PITPNM1: variants seen among roughly 807,000 people sequenced by gnomAD.
PITPNM1 encodes phosphatidylinositol transfer protein membrane associated 1, also known as membrane-associated phosphatidylinositol transfer protein 1.
Under a neutral mutation model 133.3 loss-of-function variants are expected in PITPNM1, and 74 were observed. The ratio of observed to expected loss-of-function variants is 0.56; its 90% confidence interval spans 0.46 to 0.67. The LOEUF (loss-of-function observed/expected upper bound fraction) is 0.67, where lower values mean the gene tolerates loss of function less well. Among genes scored for constraint, PITPNM1 ranks in the 30% least tolerant of loss-of-function variants. The pLI, the probability that PITPNM1 is intolerant of heterozygous loss-of-function variation, is 0.00. For synonymous variants in PITPNM1, 738 were observed against 741.4 expected (o/e 1.00, Z 0.08); for missense variants, 1,398 against 1,739.5 (o/e 0.80, Z 3.49).
In PITPNM1 at chr11:67,492,080, G is replaced by C. The variant is rs369506944; in HGVS notation, c.3688C>G (p.Arg1230Gly). ...GPGTPPTTLA[R>G]GKARSISLKL... is the part of the protein sequence containing the mutation. ...AGGCTGATGCTCCGTGCTTTGCCCC[G>C]TGCCAGGGTGGTGGGTGGTGTTCCC... Residue 1230 changes from arginine to glycine, a missense_variant, in exon 24 of 24, where the codon CGG (arginine) becomes GGG (glycine). This residue lies in a region of PITPNM1 where 122 missense variants were observed against 123.3 expected (regional missense o/e 0.99). Transcript: ENST00000356404. 1 of 1,612,554 alleles carries C rather than the reference G, an allele frequency of 6.2e-7. No homozygotes were observed. The highest frequency in any genetic ancestry group is 1.3e-5 in the African/African-American group (1 of 75,074).
Position 67,496,293 on chromosome 11 carries a change from G to T in PITPNM1, c.2202C>A (p.Asp734Glu), listed in dbSNP as rs371600914. The T allele has an allele frequency of 3.2e-5, 51 of 1,583,294 alleles. No homozygotes were observed. Among genetic ancestry groups the T allele is most frequent in the Non-Finnish European group, 3.9e-5 (46 of 1,168,720 alleles). Residue 734 changes from aspartate (D) to glutamate (E), a missense_variant, in exon 15 of 24, where the codon GAC (aspartate) becomes GAA (glutamate). By Grantham distance (45) the Asp-to-Glu change is conservative (BLOSUM62 2). Around this residue, in one of 5 missense-constraint regions of PITPNM1, gnomAD observed 574 missense variants for 698.7 expected, o/e 0.82. Transcript: ENST00000356404. ...EQIYNLFHAA[D>E]PCASRLEPLL... Reference sequence around the variant, plus strand: ...GGGGCTCGAGGCGTGAGGCGCAGGGGTCAGCCGCGTGGAAGAGGTTGTAGA... The same window carrying T: ...GGGGCTCGAGGCGTGAGGCGCAGGGTTCAGCCGCGTGGAAGAGGTTGTAGA...
chr11:67,499,098 C>T lies in PITPNM1; in HGVS notation c.1172-97G>A, dbSNP rs138190231. The stretch of plus-strand genomic sequence containing the variant: ...CCCCAGTTCTGGCATCTGCCTGAGG[C>T]CCCCAGTCCCTACCTTCCTCCAAAC... On this transcript the variant is annotated intron_variant, in intron 8 of 23. Transcript: ENST00000356404. 4.2e-6 allele frequency: 5 copies of T among 1,186,652 alleles called. 1 individual carries two copies. The highest frequency in any genetic ancestry group is 3.1e-5 in the African/African-American group (2 of 65,532). 73.5% of individuals were successfully genotyped at this position (1,186,652 alleles called of 1,614,324 possible).
At chr11:67,494,822 G>GT (rs59817710) in intron 18 of PITPNM1, 24 bp downstream of exon 18, 1 of 1,559,824 alleles carries the variant, frequency 6.4e-7, no homozygotes, top group Non-Finnish European at 8.8e-7. Context: ...GAGTGGGCGA[G>GT]GGGGCGAGGG....
Position 67,502,449 on chromosome 11 carries a change from C to A in PITPNM1, c.294-36G>T, listed in dbSNP as rs1227820041. 5.6e-6 allele frequency: 9 copies of A among 1,613,438 alleles called. No individual in the cohort carries two copies. Among genetic ancestry groups the A allele is most frequent in the Non-Finnish European group, 7.6e-6 (9 of 1,179,838 alleles). ...GGCACGGGTGAGGCTCACTGCTGTA[C>A]CCACCAGGGCCGCTCCCCTCCTGGC... is the stretch of plus-strand genomic sequence containing the variant. On this transcript the variant is annotated intron_variant, in intron 3 of 23. Coordinates refer to ENST00000356404, the MANE Select transcript of PITPNM1 (RefSeq NM_004910.3). The surrounding 1 kb of genome is among the most constrained non-coding windows in gnomAD (Gnocchi z 5.9).
At chr11:67,500,867 A>G (rs565176366) in intron 5 of PITPNM1, among the ~76,000 whole-genome samples, 1 of 152,378 alleles carries the variant, frequency 6.6e-6, no homozygotes, top group East Asian at 1.9e-4. Context: ...ATTCTGGGAT[A>G]TTTTTATCTT....
rs1866412633 is a variant in PITPNM1 at position 67,504,011 on chromosome 11, G to T, written c.78+92C>A. 2 of 956,254 alleles carry T rather than the reference G, an allele frequency of 2.1e-6. No individual in the cohort carries two copies. Among genetic ancestry groups the T allele is most frequent in the Non-Finnish European group, 3.1e-6 (2 of 649,520 alleles). The allele number at this position is 956,254 out of a possible 1,614,324, so 59.2% of individuals were successfully genotyped here. On this transcript the variant is annotated intron_variant, in intron 2 of 23. Coordinates refer to ENST00000356404, the MANE Select transcript of PITPNM1 (RefSeq NM_004910.3). This position sits in a 1 kb window ranked among gnomAD's most constrained non-coding sequence, Gnocchi z 5.4. ...AAGGGGGGCCTCTCTTGCCTCCTCCGGGCTCCCAGCCGGTCCCAGCCCCGG... is the reference window on the plus strand; with the variant it reads ...AAGGGGGGCCTCTCTTGCCTCCTCCTGGCTCCCAGCCGGTCCCAGCCCCGG...
Position 67,504,241 on chromosome 11 carries a change from G to C in PITPNM1, c.-41-20C>G, listed in dbSNP as rs1398811362. 7.7e-7 allele frequency: 1 copy of C among 1,294,790 alleles called. No individual in the cohort carries two copies. The highest frequency in any genetic ancestry group is 1.5e-5 in the African/African-American group (1 of 66,816). 80.2% of individuals were successfully genotyped at this position (1,294,790 alleles called of 1,614,324 possible). A position where few individuals can be genotyped will look rare whatever the true frequency, so the allele number is the denominator to read the frequency against. ...CTCCTCCTGGCGCAGGGCACGGCGCGACAGTCAGTGCGGGGAGGCTGCGCG... is the reference window on the plus strand; with the variant it reads ...CTCCTCCTGGCGCAGGGCACGGCGCCACAGTCAGTGCGGGGAGGCTGCGCG... On this transcript the variant is annotated intron_variant, in intron 1 of 23. Coordinates refer to ENST00000356404, the MANE Select transcript of PITPNM1 (RefSeq NM_004910.3). The surrounding 1 kb of genome is among the most constrained non-coding windows in gnomAD (Gnocchi z 5.4).
intron 15 of PITPNM1, 120 bp from the exon 16 acceptor site, chr11:67,495,722 G>A: frequency 1.0e-6 from 1 of 976,648 alleles, no homozygotes; most frequent in South Asian, 1.9e-5. Context: ...CCTGGCTGAG[G>A]CTGCACTGTG....
At position 67,502,573 on chromosome 11, in the gene PITPNM1, G is replaced by A; in HGVS notation, c.224C>T (p.Ala75Val). ...CTGCAGGGCAGCCTTGGGCAGCAGT[G>A]CCCGGAACCAGCCTGGGATGTGGGA... is the stretch of plus-strand genomic sequence containing the variant. ...VGSHIPGWFRALLPKAALQVE... is the reference protein window; with the variant it reads ...VGSHIPGWFRVLLPKAALQVE... Residue 75 changes from alanine (A) to valine (V), a missense_variant, in exon 3 of 24, where the codon GCA becomes GTA. Ala to Val is a moderately conservative substitution (Grantham distance 64). Coordinates refer to ENST00000356404, the MANE Select transcript of PITPNM1 (RefSeq NM_004910.3). This position sits in a 1 kb window ranked among gnomAD's most constrained non-coding sequence, Gnocchi z 5.9. The A allele has an allele frequency of 6.2e-7, 1 of 1,613,640 alleles. No homozygotes were observed. The highest frequency in any genetic ancestry group is 1.3e-5 in the African/African-American group (1 of 75,044).
chr11:67,501,845 C>A lies in PITPNM1; in HGVS notation c.640+17G>T. 1 of 1,610,040 alleles carries A rather than the reference C, an allele frequency of 6.2e-7. No homozygotes were observed. The highest frequency in any genetic ancestry group is 8.5e-7 in the Non-Finnish European group (1 of 1,177,248). On this transcript the variant is annotated intron_variant, in intron 5 of 23. Coordinates refer to ENST00000356404, the MANE Select transcript of PITPNM1 (RefSeq NM_004910.3). ...GGCATGCTGGGTAAGTGGGACCTCC[C>A]GCAGCTGGGTGCTCACCTACATCAT...
rs1866382018 is a variant in PITPNM1, at chr11:67,502,885, A to G, written c.79-167T>C. Among the ~76,000 whole-genome samples, 1 of 152,182 alleles carries G rather than the reference A, an allele frequency of 6.6e-6. No homozygotes were observed. The highest frequency in any genetic ancestry group is 1.5e-5 in the Non-Finnish European group (1 of 68,016). ...AAGCTCCCTGGGATCAGAATCACAGATGCAGCCCAGCCCCGCATGGGGTCT... is the reference window on the plus strand; with the variant it reads ...AAGCTCCCTGGGATCAGAATCACAGGTGCAGCCCAGCCCCGCATGGGGTCT... On this transcript the variant is annotated intron_variant, in intron 2 of 23. Coordinates refer to ENST00000356404, the MANE Select transcript of PITPNM1 (RefSeq NM_004910.3). The surrounding 1 kb of genome is among the most constrained non-coding windows in gnomAD (Gnocchi z 5.9).
rs765131990 is a variant in PITPNM1 at position 67,497,441 on chromosome 11, G to T, written c.1941-5C>A. ...GTTGCGGGGGCTGCCTGAAGGCTGT[G>T]GGGGAGGAGGGGTGCTCAGTGCTGC... On this transcript the variant is annotated splice_region_variant and splice_polypyrimidine_tract_variant and intron_variant, in intron 13 of 23. Transcript: ENST00000356404. 3.8e-6 allele frequency: 6 copies of T among 1,590,240 alleles called. No homozygotes were observed. The highest frequency in any genetic ancestry group is 4.5e-5 in the East Asian group (2 of 44,450).
chr11:67,495,289 G>T, intron 16 of PITPNM1, 64 bp from the exon 17 acceptor site: 1 of 1,508,116 alleles, frequency 6.6e-7, no homozygotes, highest in Non-Finnish European at 8.9e-7. Context: ...CTGGGCGCTG[G>T]GTGCTCTTCC....
rs374920376 is a variant in PITPNM1, at chr11:67,494,928, G to C, written c.2660C>G (p.Ala887Gly). Residue 887 changes from alanine to glycine, a missense_variant, in exon 18 of 24, where the codon GCG (alanine) becomes GGG (glycine). By Grantham distance (60) the Ala-to-Gly change is moderately conservative (BLOSUM62 0). Coordinates refer to ENST00000356404, the MANE Select transcript of PITPNM1 (RefSeq NM_004910.3). ...GTAGATGGACGGCTCCTCGCATTCC[G>C]CCAGCTGTGGCCGCTCCTTCTCGAT... ...QVIEKERPQL[A>G]ECEEPSIYSP... is the part of the protein sequence containing the mutation. The C allele has an allele frequency of 9.3e-6, 15 of 1,612,742 alleles. No homozygotes were observed. The highest frequency in any genetic ancestry group is 1.3e-5 in the Non-Finnish European group (15 of 1,179,778).
chr11:67,493,342 TC>T, intron 22 of PITPNM1, 67 bp downstream of exon 22: 1 of 1,419,682 alleles, frequency 7.0e-7, no homozygotes, highest in Non-Finnish European at 9.5e-7. Context: ...CCTCCGCCGA[TC>T]CGGGGGTGGA....
rs1353308570 is a variant in PITPNM1, at chr11:67,492,917, C to T, written c.3471+17G>A. The T allele has an allele frequency of 5.6e-6, 9 of 1,609,570 alleles. No individual in the cohort carries two copies. Among genetic ancestry groups the T allele is most frequent in the Non-Finnish European group, 5.9e-6 (7 of 1,177,620 alleles). On this transcript the variant is annotated intron_variant, in intron 23 of 23. Transcript: ENST00000356404. Reference sequence around the variant, plus strand: ...CCCCTGGTGGGGTCCTGTTCCTGGCCTTCACTTGGGCCTCACCTGGCACTG... The same window carrying T: ...CCCCTGGTGGGGTCCTGTTCCTGGCTTTCACTTGGGCCTCACCTGGCACTG...
rs970655716 is a variant in PITPNM1, at chr11:67,497,588, G to A, written c.1874C>T (p.Ser625Leu). 2.5e-6 allele frequency: 4 copies of A among 1,607,956 alleles called. No individual in the cohort carries two copies. Among genetic ancestry groups the A allele is most frequent in the Non-Finnish European group, 3.4e-6 (4 of 1,178,492 alleles). ...GGGGATGCGCTGGGGAGGCAAGGCC[G>A]AGGGTTCTGGGCTGCCCCGACCCAG... is the stretch of plus-strand genomic sequence containing the variant. ...EGLGRGSPEP[S>L]ALPPQRIPSD... The change falls in exon 13 of 24, where the codon TCG becomes TTG. Residue 625 changes from serine to leucine, a missense_variant. Around this residue, in one of 5 missense-constraint regions of PITPNM1, gnomAD observed 574 missense variants for 698.7 expected, o/e 0.82. Transcript: ENST00000356404.
At position 67,494,969 on chromosome 11, in the gene PITPNM1, G is replaced by A; in HGVS notation, c.2632-13C>T. On this transcript the variant is annotated splice_polypyrimidine_tract_variant and intron_variant, in intron 17 of 23. Transcript: ENST00000356404. ...CCTTCTCGATCACCTGCACGGGACAGGGGGCGAGGCCTCTGTCTCTTAGGG... is the reference window on the plus strand; with the variant it reads ...CCTTCTCGATCACCTGCACGGGACAAGGGGCGAGGCCTCTGTCTCTTAGGG... 3 of 1,611,116 alleles carry A rather than the reference G, an allele frequency of 1.9e-6. No individual in the cohort carries two copies. The highest frequency in any genetic ancestry group is 2.5e-6 in the Non-Finnish European group (3 of 1,178,860).
At chr11:67,497,174 T>C (rs1287911835) in intron 14 of PITPNM1, 57 bp downstream of exon 14, 3 of 1,390,770 alleles carry the variant, frequency 2.2e-6, no homozygotes, top group Non-Finnish European at 1.9e-6. Flanking sequence ...CCAGAGGAGG[T>C]GGGGAAGGAA....
Sources: allele counts gnomAD v4.1 joint callset (sites outside exome capture counted in the v4.1 genomes callset), GRCh38; gene constraint gnomAD v4.1.1; regional missense constraint gnomAD v4.1.1; non-coding constraint Gnocchi (gnomAD v3.1); transcripts MANE v1.5; gene names NCBI Gene and HGNC (gene_info 2026-07-23, HGNC 2026-07-21).